The following CSMD1 variants were observed in gnomAD, a reference collection of about 807,000 sequenced individuals.
The protein encoded by CSMD1 is CUB and Sushi multiple domains 1.
In CSMD1, 213 loss-of-function variants were observed where a neutral mutation model predicts 417.5. That is an observed-to-expected ratio of 0.51 (90% confidence interval 0.46 to 0.57). The LOEUF (loss-of-function observed/expected upper bound fraction) is 0.57, where lower values mean the gene tolerates loss of function less well. Among genes scored for constraint, CSMD1 ranks in the 20% least tolerant of loss-of-function variants. CSMD1 has a pLI of 0.00. For missense variants in CSMD1, 6,923 were observed against 4,529.7 expected (o/e 1.53, Z -15.17); for synonymous variants, 2,862 against 1,736.8 (o/e 1.65, Z -16.11).
intron 5 of CSMD1, among the ~76,000 whole-genome samples, chr8:3,777,736 G>C (rs1798968181): frequency 6.6e-6 from 1 of 152,140 alleles, no homozygotes; most frequent in Non-Finnish European, 1.5e-5. Flanking sequence ...CCACACTCCA[G>C]ACCTGCAGCC....
chr8:3,953,906 G>A (rs1031052985), intron 5 of CSMD1, among the ~76,000 whole-genome samples: 1 of 152,196 alleles, frequency 6.6e-6, no homozygotes, highest in Non-Finnish European at 1.5e-5. Flanking sequence ...TGTGCTCTGG[G>A]CCACTGTCTG....
At chr8:4,977,150 C>A (rs1476359094) in intron 1 of CSMD1, among the ~76,000 whole-genome samples, 2 of 152,118 alleles carry the variant, frequency 1.3e-5, no homozygotes, top group Non-Finnish European at 2.9e-5. Flanking sequence ...TAGTAATGAT[C>A]ATTTGTTTTG....
At chr8:4,883,286 A>C (rs1803531072) in intron 1 of CSMD1, among the ~76,000 whole-genome samples, 1 of 152,130 alleles carries the variant, frequency 6.6e-6, no homozygotes, top group Non-Finnish European at 1.5e-5. Context: ...CAAGATAAAT[A>C]GAGTTACAGA....
At chr8:4,527,835 G>T (rs1253826574) in intron 2 of CSMD1, among the ~76,000 whole-genome samples, 6 of 152,194 alleles carry the variant, frequency 3.9e-5, no homozygotes, top group Non-Finnish European at 8.8e-5. Context: ...TAAGTTTTCA[G>T]CCTGTGTCTT....
At chr8:4,583,133 G>A (rs572723203) in intron 2 of CSMD1, among the ~76,000 whole-genome samples, 27 of 152,258 alleles carry the variant, frequency 1.8e-4, no homozygotes, top group African/African-American at 4.3e-4. Context: ...GCTCCTGTGC[G>A]GCCCAAGCCT....
chr8:4,827,983 C>A (rs1013708489), intron 1 of CSMD1, among the ~76,000 whole-genome samples: 1 of 152,266 alleles, frequency 6.6e-6, no homozygotes, highest in African/African-American at 2.4e-5. Context: ...TTAACCATCA[C>A]ATAATAAACT....
intron 7 of CSMD1, among the ~76,000 whole-genome samples, chr8:3,661,471 C>A (rs2623630): frequency 6.6e-6 from 1 of 151,742 alleles, no homozygotes; most frequent in Non-Finnish European, 1.5e-5. Context: ...GCCTGACTTG[C>A]GAAATGTTCA....
chr8:3,569,533 C>A (rs905789412), intron 10 of CSMD1, among the ~76,000 whole-genome samples: 1 of 152,196 alleles, frequency 6.6e-6, no homozygotes, highest in South Asian at 2.1e-4. Flanking sequence ...TTAAAGTTTG[C>A]AGACCAGGTC....
At chr8:4,872,829 A>G (rs752802761) in intron 1 of CSMD1, among the ~76,000 whole-genome samples, 25 of 152,076 alleles carry the variant, frequency 1.6e-4, no homozygotes, top group Non-Finnish European at 3.2e-4. Context: ...CCTTTATGAA[A>G]CAAGTTGAAA....
Position 3,369,360 on chromosome 8 carries a change from T to C in CSMD1, c.2793A>G (p.Gly931=). Residue 931 remains glycine (G), a synonymous_variant, in exon 19 of 70, where the codon GGA becomes GGG. Transcript: ENST00000635120. ...TTCCACTCTTCCCTTGGATGTAGCC[T>C]CCACATAGAGCTTAAAATAATAAAG... The part of the protein sequence containing the change: ...HALPSCDALC[G]GYIQGKSGTV... 1 of 1,539,102 alleles carries C rather than the reference T, an allele frequency of 6.5e-7. No homozygotes were observed. Among genetic ancestry groups the C allele is most frequent in the South Asian group, 1.1e-5 (1 of 88,642 alleles).
rs190285859 is a variant in CSMD1, at chr8:3,436,440, G to A, written c.1562-26835C>T. Among the ~76,000 whole-genome samples, 9 of 152,196 alleles carry A rather than the reference G, an allele frequency of 5.9e-5. 1 individual carries two copies. Among genetic ancestry groups the A allele is most frequent in the South Asian group, 4.1e-4 (2 of 4,822 alleles). The stretch of plus-strand genomic sequence containing the variant: ...GGTCTTTTGCCCAGTTGCTACTTAC[G>A]TAATCCCAGCCCTCAAAATAGTGCC... On this transcript the variant is annotated intron_variant, in intron 12 of 69. Transcript: ENST00000635120.
At chr8:3,189,703 T>C (rs1010075431) in intron 34 of CSMD1, among the ~76,000 whole-genome samples, 1 of 131,736 alleles carries the variant, frequency 7.6e-6, no homozygotes, top group Non-Finnish European at 1.8e-5. Context: ...GGAAACATGC[T>C]TTATCCTTGT....
chr8:4,980,652 T>G (rs1011085722), intron 1 of CSMD1, among the ~76,000 whole-genome samples: 33 of 152,298 alleles, frequency 2.2e-4, no homozygotes, highest in African/African-American at 7.7e-4. Flanking sequence ...CCTGTAATCC[T>G]AGCACTTTGG....
chr8:4,974,464 T>C (rs1265617686), intron 1 of CSMD1, among the ~76,000 whole-genome samples: 1 of 152,074 alleles, frequency 6.6e-6, no homozygotes, highest in Non-Finnish European at 1.5e-5. Flanking sequence ...ACACAGGCTA[T>C]ATATAAATCA....
chr8:4,233,122 A>G (rs772900010), intron 3 of CSMD1, among the ~76,000 whole-genome samples: 3 of 152,250 alleles, frequency 2.0e-5, no homozygotes, highest in Non-Finnish European at 4.4e-5. Context: ...GCTATCACTT[A>G]TCCACAACGT....
chr8:4,836,918 G>C (rs1401060014), intron 1 of CSMD1, among the ~76,000 whole-genome samples: 1 of 152,136 alleles, frequency 6.6e-6, no homozygotes, highest in Non-Finnish European at 1.5e-5. Flanking sequence ...CTGCTGTGTA[G>C]AGTTCTAATG....
intron 1 of CSMD1, among the ~76,000 whole-genome samples, chr8:4,718,720 A>G (rs931395464): frequency 1.3e-5 from 2 of 152,110 alleles, no homozygotes; most frequent in Non-Finnish European, 2.9e-5. Flanking sequence ...ATCATAAAAG[A>G]CTAGTTTTTC....
Position 4,537,567 on chromosome 8 carries a change from C to T in CSMD1, c.302+99775G>A, listed in dbSNP as rs1797161328. ...AAAAGATTAGTTTTCAAGTTGAAAA[C>T]TTGCTGAACATTTCGTGGCCTGGGC... On this transcript the variant is annotated intron_variant, in intron 2 of 69. Coordinates refer to ENST00000635120, the MANE Select transcript of CSMD1 (RefSeq NM_033225.6). Among the ~76,000 whole-genome samples the T allele has an allele frequency of 3.3e-5, 5 of 152,280 alleles. No homozygotes were observed. The South Asian group carries it at 1.0e-3, about 32-fold the overall frequency.
At chr8:4,056,927 GT>G (rs1280546227) in intron 3 of CSMD1, among the ~76,000 whole-genome samples, 1 of 152,096 alleles carries the variant, frequency 6.6e-6, no homozygotes, top group African/African-American at 2.4e-5. Context: ...TCTTAATCCA[GT>G]TTATCACTGT....
Sources: gnomAD v4.1 joint callset for allele counts (sites outside exome capture counted in the v4.1 genomes callset) on GRCh38, gnomAD v4.1.1 for gene constraint, MANE v1.5 for transcripts, NCBI Gene and HGNC (gene_info 2026-07-23, HGNC 2026-07-21) for gene names.